The following ST8SIA1 variants were observed in gnomAD, a reference collection of about 807,000 sequenced individuals.
ST8SIA1 encodes ST8 alpha-N-acetyl-neuraminide alpha-2,8-sialyltransferase 1, also known as alpha-N-acetylneuraminide alpha-2,8-sialyltransferase.
A neutral mutation model predicts 35.9 loss-of-function variants in ST8SIA1; 16 were observed. The observed-to-expected ratio is 0.45, with a 90% CI of 0.30 to 0.68. The LOEUF is 0.68. Among genes scored for constraint, ST8SIA1 ranks in the 30% least tolerant of loss-of-function variants. The pLI is 0.09. For missense variants in ST8SIA1, 383 were observed against 453.6 expected (o/e 0.84, Z 1.41); for synonymous variants, 170 against 169.6 (o/e 1.00, Z -0.02).
intron 1 of ST8SIA1, among the ~76,000 whole-genome samples, chr12:22,301,474 C>A (rs545262225): frequency 2.3e-4 from 35 of 152,164 alleles, no homozygotes; most frequent in Non-Finnish European, 4.7e-4. Context: ...AAGTATACTC[C>A]TATAAATAAA....
intron 1 of ST8SIA1, among the ~76,000 whole-genome samples, chr12:22,295,227 T>A (rs915740112): frequency 2.6e-5 from 4 of 152,108 alleles, no homozygotes; most frequent in African/African-American, 9.7e-5. Flanking sequence ...AGTAAAGACC[T>A]GAAGGAGGTG....
At chr12:22,260,287 A>G (rs1037222208) in intron 2 of ST8SIA1, among the ~76,000 whole-genome samples, 1 of 151,348 alleles carries the variant, frequency 6.6e-6, no homozygotes, top group African/African-American at 2.4e-5. Context: ...TCAGCTTCCC[A>G]AGTAGCTGGA....
intron 1 of ST8SIA1, among the ~76,000 whole-genome samples, chr12:22,306,674 T>A (rs1000534921): frequency 7.9e-5 from 12 of 152,232 alleles, no homozygotes; most frequent in African/African-American, 2.7e-4. Context: ...GTCACTAATA[T>A]GCCTTGGATA....
intron 4 of ST8SIA1, among the ~76,000 whole-genome samples, chr12:22,213,953 A>AT: frequency 6.6e-6 from 1 of 152,126 alleles, no homozygotes; most frequent in Non-Finnish European, 1.5e-5. Context: ...CTAGATGTGA[A>AT]AGTGGTTTCA....
At chr12:22,308,278 T>G (rs1028023067) in intron 1 of ST8SIA1, among the ~76,000 whole-genome samples, 3 of 152,198 alleles carry the variant, frequency 2.0e-5, no homozygotes, top group African/African-American at 7.2e-5. Context: ...ATGCTTGTTA[T>G]AGAAAATCTA....
intron 2 of ST8SIA1, among the ~76,000 whole-genome samples, chr12:22,274,063 T>C (rs1189650756): frequency 1.3e-5 from 2 of 152,158 alleles, no homozygotes; most frequent in African/African-American, 4.8e-5. Context: ...GGAAAATGGA[T>C]AGCATGTGGA....
intron 4 of ST8SIA1, among the ~76,000 whole-genome samples, chr12:22,208,415 G>C (rs1294714156): frequency 6.6e-6 from 1 of 151,782 alleles, no homozygotes; most frequent in African/African-American, 2.4e-5. Context: ...TATACAGCAG[G>C]AATCATATAT....
At chr12:22,221,240 T>C (rs370365392) in intron 4 of ST8SIA1, among the ~76,000 whole-genome samples, 9 of 151,012 alleles carry the variant, frequency 6.0e-5, no homozygotes, top group African/African-American at 2.2e-4. Context: ...AAATGATGAG[T>C]GGAGACAGAT....
At chr12:22,316,391 A>G (rs1866520074) in intron 1 of ST8SIA1, among the ~76,000 whole-genome samples, 1 of 152,188 alleles carries the variant, frequency 6.6e-6, no homozygotes, top group Non-Finnish European at 1.5e-5. Flanking sequence ...TGGCATTACA[A>G]ATTAGTGGGG....
At chr12:22,236,129 T>G (rs1159522707) in intron 4 of ST8SIA1, among the ~76,000 whole-genome samples, 1 of 152,168 alleles carries the variant, frequency 6.6e-6, no homozygotes, top group Non-Finnish European at 1.5e-5. Context: ...CCTGCTCCTT[T>G]ACCACGTCTC....
At chr12:22,211,456 G>A (rs1157948896) in intron 4 of ST8SIA1, among the ~76,000 whole-genome samples, 5 of 152,186 alleles carry the variant, frequency 3.3e-5, no homozygotes, top group Non-Finnish European at 4.4e-5. Flanking sequence ...GCATGCTAAC[G>A]ATTGGCTAAT....
chr12:22,251,900 T>C (rs979286510), intron 3 of ST8SIA1, among the ~76,000 whole-genome samples: 1 of 152,198 alleles, frequency 6.6e-6, no homozygotes, highest in Non-Finnish European at 1.5e-5. Flanking sequence ...TTTTTGTATA[T>C]GTGAGCAGGC....
rs1864987839 is a variant in ST8SIA1 at position 22,196,332 on chromosome 12, T to C, written c.*5220A>G. On this transcript the variant is annotated 3_prime_UTR_variant, in exon 5 of 5. Coordinates refer to ENST00000396037, the MANE Select transcript of ST8SIA1 (RefSeq NM_003034.4). ...CCTTACTGAAATGGTGAGCAGGGGC[T>C]GTGTTATGTTTCAATAAGCTTTTCA... 6.6e-6 allele frequency: 1 copy of C among 152,220 alleles called. No individual in the cohort carries two copies. The highest frequency in any genetic ancestry group is 2.4e-5 in the African/African-American group (1 of 41,456). 9.4% of individuals were successfully genotyped at this position (152,220 alleles called of 1,614,324 possible). A position where few individuals can be genotyped will look rare whatever the true frequency, so the allele number is the denominator to read the frequency against.
At chr12:22,241,334 TC>T (rs1430302734) in intron 4 of ST8SIA1, among the ~76,000 whole-genome samples, 2 of 152,134 alleles carry the variant, frequency 1.3e-5, no homozygotes, top group Non-Finnish European at 2.9e-5. Context: ...CTTAGTACCA[TC>T]CCCTTGGTGC....
chr12:22,211,432 T>A (rs1213191320), intron 4 of ST8SIA1, among the ~76,000 whole-genome samples: 1 of 152,212 alleles, frequency 6.6e-6, no homozygotes, highest in African/African-American at 2.4e-5. Context: ...ACCTAGGGGC[T>A]GTCAACCATG....
At chr12:22,255,419 C>A (rs769459996) in intron 2 of ST8SIA1, 30 bp from the exon 3 acceptor site, 8 of 1,562,418 alleles carry the variant, frequency 5.1e-6, no homozygotes, top group Non-Finnish European at 7.1e-6. Context: ...CGGGTTTTCA[C>A]TGCAAAGAAC....
At chr12:22,274,960 G>C (rs1289270788) in intron 2 of ST8SIA1, among the ~76,000 whole-genome samples, 1 of 152,160 alleles carries the variant, frequency 6.6e-6, no homozygotes, top group African/African-American at 2.4e-5. Flanking sequence ...TGACAATTCA[G>C]TTATTGAATT....
At chr12:22,270,353 G>T (rs1372653908) in intron 2 of ST8SIA1, among the ~76,000 whole-genome samples, 1 of 152,190 alleles carries the variant, frequency 6.6e-6, no homozygotes, top group Non-Finnish European at 1.5e-5. Flanking sequence ...ACAAACTATA[G>T]TTGTAGAGTG....
chr12:22,298,543 G>T (rs1303371771), intron 1 of ST8SIA1, among the ~76,000 whole-genome samples: 1 of 152,076 alleles, frequency 6.6e-6, no homozygotes, highest in African/African-American at 2.4e-5. Context: ...GTTTGTGCAT[G>T]GTTTTTTCCT....
Sources: allele counts gnomAD v4.1 joint callset (sites outside exome capture counted in the v4.1 genomes callset), GRCh38; gene constraint gnomAD v4.1.1; transcripts MANE v1.5; gene names NCBI Gene and HGNC (gene_info 2026-07-23, HGNC 2026-07-21).